The following ULK4 variants were observed in gnomAD, a reference collection of about 807,000 sequenced individuals.
ULK4 encodes the protein inactive serine/threonine-protein kinase ULK4.
ULK4 carries 133 observed loss-of-function variants against 160.6 expected under a neutral mutation model. The ratio of observed to expected loss-of-function variants is 0.83; its 90% CI spans 0.72 to 0.96. ULK4 has a LOEUF of 0.96. ULK4 is among the 40% of genes least tolerant of loss of function. The pLI is 0.00. For missense variants in ULK4, 1,580 were observed against 1,499.5 expected, an observed-to-expected ratio of 1.05 and a Z score of -0.89; for synonymous variants, 534 against 539.8, an observed-to-expected ratio of 0.99 and a Z score of 0.15.
chr3:41,417,653 T>C (rs142233042), intron 34 of ULK4, among the ~76,000 whole-genome samples: 2 of 152,216 alleles, frequency 1.3e-5, no homozygotes, highest in African/African-American at 4.8e-5. Flanking sequence ...TCCTCCCATC[T>C]AGGCAGCAGG....
chr3:41,572,848 T>G (rs918788206), intron 31 of ULK4, among the ~76,000 whole-genome samples: 1 of 151,964 alleles, frequency 6.6e-6, no homozygotes, highest in Admixed American at 6.6e-5. Flanking sequence ...AATGAGCATA[T>G]TGCCCAAAAT....
At position 41,493,535 on chromosome 3, in the gene ULK4, A is replaced by G. The variant is rs376994275; in HGVS notation, c.3227-30282T>C. Among the ~76,000 whole-genome samples, 89 of 122,000 alleles carry G rather than the reference A, an allele frequency of 7.3e-4. 11 individuals are homozygous for G. The East Asian group carries it at 0.01, about 14-fold the overall frequency. 80.0% of individuals were successfully genotyped at this position (122,000 alleles called of 152,430 possible). A position where few individuals can be genotyped will look rare whatever the true frequency, so the allele number is the denominator to read the frequency against. On this transcript the variant is annotated intron_variant, in intron 32 of 36. Transcript: ENST00000301831. Reference sequence around the variant, plus strand: ...TTAAAAGAACTAGAAAAGCAAGAGCAAACACATTCAAAAGCTACCAGAAGG... The same window carrying G: ...TTAAAAGAACTAGAAAAGCAAGAGCGAACACATTCAAAAGCTACCAGAAGG...
intron 12 of ULK4, among the ~76,000 whole-genome samples, chr3:41,906,885 T>TA (rs1036556123): frequency 2.0e-5 from 3 of 151,876 alleles, no homozygotes; most frequent in African/African-American, 7.3e-5. Flanking sequence ...CCCAGCGACT[T>TA]GGTAGGCTGA....
At chr3:41,637,389 G>A (rs1393187629) in intron 30 of ULK4, among the ~76,000 whole-genome samples, 1 of 152,130 alleles carries the variant, frequency 6.6e-6, no homozygotes, top group Admixed American at 6.6e-5. Context: ...TTTTTTAAAG[G>A]CTGAATAGTA....
At chr3:41,884,280 A>G (rs1697637882) in intron 16 of ULK4, among the ~76,000 whole-genome samples, 1 of 152,358 alleles carries the variant, frequency 6.6e-6, no homozygotes, top group African/African-American at 2.4e-5. Flanking sequence ...TAATCCTTTT[A>G]TTGCTGAGTA....
chr3:41,398,388 C>CT (rs11331714), intron 34 of ULK4, 124 bp from the exon 35 acceptor site: 22,565 of 714,934 alleles, frequency 0.032, no homozygotes, highest in Non-Finnish European at 0.036. Context: ...TACTTTTTTA[C>CT]TTTTTTTTTT....
intron 19 of ULK4, among the ~76,000 whole-genome samples, chr3:41,803,685 T>C (rs1277364204): frequency 6.6e-6 from 1 of 152,132 alleles, no homozygotes; most frequent in Non-Finnish European, 1.5e-5. Flanking sequence ...CCTTCCTGTG[T>C]CCATGTGTTC....
chr3:41,334,337 A>G (rs2125743809), intron 35 of ULK4, among the ~76,000 whole-genome samples: 1 of 152,190 alleles, frequency 6.6e-6, no homozygotes, highest in Admixed American at 6.5e-5. Context: ...AGTCACTCGT[A>G]TTGGTTGTTT....
chr3:41,436,633 T>C (rs2083043948), intron 34 of ULK4, among the ~76,000 whole-genome samples: 1 of 152,176 alleles, frequency 6.6e-6, no homozygotes, highest in Admixed American at 6.5e-5. Context: ...CAATCAGCTG[T>C]ACTGGGTTAT....
intron 32 of ULK4, among the ~76,000 whole-genome samples, chr3:41,526,027 G>T (rs1309934241): frequency 6.6e-6 from 1 of 152,164 alleles, no homozygotes; most frequent in African/African-American, 2.4e-5. Context: ...AATGTCCAGT[G>T]ATATTAACAT....
intron 34 of ULK4, among the ~76,000 whole-genome samples, chr3:41,430,290 T>G (rs1575548365): frequency 6.6e-6 from 1 of 152,342 alleles, no homozygotes; most frequent in South Asian, 2.1e-4. Context: ...CTTTATTATC[T>G]AGGCATTTAG....
At chr3:41,906,005 C>T (rs187849592) in intron 12 of ULK4, among the ~76,000 whole-genome samples, 50 of 152,110 alleles carry the variant, frequency 3.3e-4, no homozygotes, top group African/African-American at 1.2e-3. Context: ...ATCATGAGAT[C>T]AGGAGATCGA....
chr3:41,338,366 C>T (rs1295135389), intron 35 of ULK4, among the ~76,000 whole-genome samples: 5 of 152,182 alleles, frequency 3.3e-5, no homozygotes, highest in African/African-American at 1.2e-4. Context: ...GCAGCAGTCC[C>T]AGGCTTTATA....
intron 32 of ULK4, among the ~76,000 whole-genome samples, chr3:41,559,509 C>T (rs1436033476): frequency 7.6e-6 from 1 of 132,214 alleles, no homozygotes; most frequent in Non-Finnish European, 1.7e-5. Flanking sequence ...AAAGGTGTTC[C>T]TATTTCTCCA....
chr3:41,708,192 T>A (rs1045125001), intron 25 of ULK4, among the ~76,000 whole-genome samples: 1 of 125,956 alleles, frequency 7.9e-6, no homozygotes, highest in African/African-American at 3.9e-5. Flanking sequence ...ATATATATAT[T>A]TCCAAAGGAA....
intron 31 of ULK4, among the ~76,000 whole-genome samples, chr3:41,571,840 A>G (rs2087986247): frequency 6.6e-6 from 1 of 152,144 alleles, no homozygotes; most frequent in Non-Finnish European, 1.5e-5. Flanking sequence ...TAAAGCAAGG[A>G]GTCTACACTT....
In ULK4 at chr3:41,587,357, C is replaced by T. The variant is rs889069501; in HGVS notation, c.3121-21227G>A. Reference sequence around the variant, plus strand: ...GCTCATGTCATGAGGTTAGGCCCACCTGCATAATCTCCCTATCTTAAGGTC... The same window carrying T: ...GCTCATGTCATGAGGTTAGGCCCACTTGCATAATCTCCCTATCTTAAGGTC... On this transcript the variant is annotated intron_variant, in intron 31 of 36. Transcript: ENST00000301831. Among the ~76,000 whole-genome samples the T allele has an allele frequency of 3.9e-5, 6 of 152,160 alleles. No individual in the cohort carries two copies. The East Asian group carries it at 1.2e-3, about 29-fold the overall frequency.
At chr3:41,663,217 T>C (rs1386527614) in intron 30 of ULK4, among the ~76,000 whole-genome samples, 4 of 149,934 alleles carry the variant, frequency 2.7e-5, no homozygotes, top group Admixed American at 6.6e-5. Flanking sequence ...TAAGACTCCA[T>C]CTCAAAAAAA....
intron 18 of ULK4, among the ~76,000 whole-genome samples, chr3:41,820,087 TCAAATA>T (rs149647496): frequency 0.012 from 1,845 of 152,052 alleles, 29 homozygotes; most frequent in African/African-American, 0.042. Context: ...CTGCAACCTA[TCAAATA>T]CAATCAGAAA....
Sources: gnomAD v4.1 joint callset for allele counts (sites outside exome capture counted in the v4.1 genomes callset) on GRCh38, gnomAD v4.1.1 for gene constraint, MANE v1.5 for transcripts, NCBI Gene and HGNC (gene_info 2026-07-23, HGNC 2026-07-21) for gene names.